The following CBFA2T2 variants were observed in gnomAD, a reference collection of about 807,000 sequenced individuals.
The protein encoded by CBFA2T2 is protein CBFA2T2.
In CBFA2T2, 11 loss-of-function variants were observed where a neutral mutation model predicts 62.2. The observed-to-expected ratio is 0.18, with a 90% confidence interval of 0.11 to 0.29. The LOEUF (loss-of-function observed/expected upper bound fraction) is 0.29, where lower values mean the gene tolerates loss of function less well. CBFA2T2 is among the 10% of genes least tolerant of loss of function. The pLI is 1.00. For missense variants in CBFA2T2, 592 were observed against 774.1 expected (o/e 0.76, Z 2.79); for synonymous variants, 295 against 287.5 (o/e 1.03, Z -0.27).
chr20:33,555,180 A>G (rs2012860369), intron 1 of CBFA2T2, among the ~76,000 whole-genome samples: 1 of 152,198 alleles, frequency 6.6e-6, no homozygotes, highest in Non-Finnish European at 1.5e-5. Context: ...TTGATTGGTT[A>G]AGCTTAAGTT....
chr20:33,491,307 TG>T (rs533744873), intron 1 of CBFA2T2, among the ~76,000 whole-genome samples: 44 of 152,272 alleles, frequency 2.9e-4, no homozygotes, highest in African/African-American at 9.9e-4. Context: ...TAGACCGAAC[TG>T]GGGTTTTGAG....
chr20:33,620,657 T>G (rs1284566725), intron 4 of CBFA2T2, among the ~76,000 whole-genome samples: 2 of 152,074 alleles, frequency 1.3e-5, no homozygotes, highest in African/African-American at 2.4e-5. Flanking sequence ...CTGACTAATG[T>G]GGTGAAACCC....
At chr20:33,529,690 A>T (rs2011989015) in intron 1 of CBFA2T2, among the ~76,000 whole-genome samples, 1 of 150,798 alleles carries the variant, frequency 6.6e-6, no homozygotes, top group Non-Finnish European at 1.5e-5. Flanking sequence ...AAACAAAAAA[A>T]AACTAGGCAT....
At chr20:33,559,955 G>C (rs1352711445) in intron 1 of CBFA2T2, among the ~76,000 whole-genome samples, 1 of 152,154 alleles carries the variant, frequency 6.6e-6, no homozygotes, top group Non-Finnish European at 1.5e-5. Flanking sequence ...ACCTGGAGTT[G>C]ACTATTTTCC....
rs1485532141 is a variant in CBFA2T2, at chr20:33,490,096, G to A, written c.-172G>A. 4 of 613,606 alleles carry A rather than the reference G, an allele frequency of 6.5e-6. No individual in the cohort carries two copies. The African/African-American group carries it at 8.0e-5, about 12-fold the overall frequency. 38.0% of individuals were successfully genotyped at this position (613,606 alleles called of 1,614,324 possible). Reference sequence around the variant, plus strand: ...GGGCGGGGCGCGGCCTAACGGCGGCGGCGGCGGCGGCGACGGCGACAGCAG... The same window carrying A: ...GGGCGGGGCGCGGCCTAACGGCGGCAGCGGCGGCGGCGACGGCGACAGCAG... On this transcript the variant is annotated 5_prime_UTR_variant, in exon 1 of 11. Coordinates refer to ENST00000342704, the MANE Select transcript of CBFA2T2 (RefSeq NM_001032999.3).
At chr20:33,533,787 C>T (rs891376278) in intron 1 of CBFA2T2, among the ~76,000 whole-genome samples, 5 of 152,072 alleles carry the variant, frequency 3.3e-5, no homozygotes, top group Non-Finnish European at 7.4e-5. Flanking sequence ...CCAGCTTGGC[C>T]AACATGGTGA....
intron 6 of CBFA2T2, among the ~76,000 whole-genome samples, chr20:33,627,976 C>CAG (rs1472572067): frequency 6.6e-6 from 1 of 152,234 alleles, no homozygotes; most frequent in Non-Finnish European, 1.5e-5. Flanking sequence ...TACCAGTACA[C>CAG]ACGCTAGTTT....
intron 1 of CBFA2T2, among the ~76,000 whole-genome samples, chr20:33,491,906 G>A (rs1458581672): frequency 6.6e-6 from 1 of 151,704 alleles, no homozygotes; most frequent in Admixed American, 6.6e-5. Context: ...TTGAGACGGA[G>A]TTTTGTTCTT....
chr20:33,564,059 GT>G (rs1046279240), intron 1 of CBFA2T2, among the ~76,000 whole-genome samples: 3 of 152,006 alleles, frequency 2.0e-5, no homozygotes, highest in African/African-American at 7.3e-5. Context: ...CTGGAAAATT[GT>G]TTTTCCCCCG....
At chr20:33,591,817 T>C (rs1478581559) in intron 1 of CBFA2T2, among the ~76,000 whole-genome samples, 2 of 119,526 alleles carry the variant, frequency 1.7e-5, no homozygotes, top group African/African-American at 3.1e-5. Flanking sequence ...CTTTCCCAAG[T>C]CCATTCTCAT....
intron 1 of CBFA2T2, among the ~76,000 whole-genome samples, chr20:33,550,642 G>C (rs188941087): frequency 2.6e-5 from 3 of 114,052 alleles, no homozygotes; most frequent in Admixed American, 8.1e-5. Flanking sequence ...TTTATGTAGA[G>C]ATGGAGTTTC....
At chr20:33,496,783 TTTG>T (rs1412635840) in intron 1 of CBFA2T2, among the ~76,000 whole-genome samples, 1 of 152,118 alleles carries the variant, frequency 6.6e-6, no homozygotes, top group Non-Finnish European at 1.5e-5. Context: ...ATAGGTACCT[TTTG>T]TTTGCTCTTC....
intron 1 of CBFA2T2, among the ~76,000 whole-genome samples, chr20:33,573,435 T>C (rs1455506224): frequency 6.6e-6 from 1 of 152,110 alleles, no homozygotes; most frequent in Non-Finnish European, 1.5e-5. Flanking sequence ...CAGTACTGTA[T>C]GTGACACATT....
intron 5 of CBFA2T2, among the ~76,000 whole-genome samples, 165 bp from the exon 6 acceptor site, chr20:33,624,599 G>A (rs2016141755): frequency 6.6e-6 from 1 of 152,092 alleles, no homozygotes; most frequent in Admixed American, 6.5e-5. Flanking sequence ...GAGGTGCCTG[G>A]CCCTTGAAGA....
chr20:33,570,197 C>G (rs912213016), intron 1 of CBFA2T2, among the ~76,000 whole-genome samples: 1 of 152,230 alleles, frequency 6.6e-6, no homozygotes, highest in African/African-American at 2.4e-5. Flanking sequence ...AGGAGAATCA[C>G]TTGAACCCAG....
At chr20:33,548,842 G>A (rs1427401143) in intron 1 of CBFA2T2, among the ~76,000 whole-genome samples, 2 of 152,006 alleles carry the variant, frequency 1.3e-5, no homozygotes, top group African/African-American at 2.4e-5. Flanking sequence ...TGGAGTTGCC[G>A]CTACTCAGGA....
intron 1 of CBFA2T2, among the ~76,000 whole-genome samples, chr20:33,556,565 G>T (rs1051934830): frequency 1.3e-5 from 2 of 152,132 alleles, no homozygotes; most frequent in African/African-American, 4.8e-5. Flanking sequence ...TTCACTAGTA[G>T]TCTCAGCATC....
chr20:33,591,044 G>A (rs772926192), intron 1 of CBFA2T2, among the ~76,000 whole-genome samples: 2 of 150,570 alleles, frequency 1.3e-5, no homozygotes, highest in Non-Finnish European at 3.0e-5. Flanking sequence ...CGGGTGTGGT[G>A]GCAGGCATCT....
chr20:33,612,315 A>G (rs944925548), intron 3 of CBFA2T2, among the ~76,000 whole-genome samples: 3 of 152,208 alleles, frequency 2.0e-5, no homozygotes, highest in Non-Finnish European at 2.9e-5. Flanking sequence ...TTTACCTCCA[A>G]TAAAAGCATT....
Sources: allele counts gnomAD v4.1 joint callset (sites outside exome capture counted in the v4.1 genomes callset), GRCh38; gene constraint gnomAD v4.1.1; transcripts MANE v1.5; gene names NCBI Gene and HGNC (gene_info 2026-07-23, HGNC 2026-07-21).